Variants in PUDP observed in about 807,000 individuals in gnomAD.
The protein encoded by PUDP is pseudouridine 5'-phosphatase.
A neutral mutation model predicts 9.4 loss-of-function variants in PUDP; 8 were observed. That is an observed-to-expected ratio of 0.85 (90% CI 0.50 to 1.53). The LOEUF is 1.53. Among genes scored for constraint, PUDP ranks in the 40% most tolerant of loss-of-function variants. PUDP has a pLI of 0.00. For missense variants in PUDP, 188 were observed against 189.7 expected (o/e 0.99, Z 0.05); for synonymous variants, 99 against 80.7 (o/e 1.23, Z -1.22).
intron 3 of PUDP, among the ~76,000 whole-genome samples, chrX:6,876,551 C>T (rs1384485572): frequency 1.8e-5 from 2 of 109,288 alleles, no homozygotes; most frequent in African/African-American, 6.7e-5. Flanking sequence ...TGTATAAACA[C>T]ACACATACAT....
chrX:7,127,786 G>A (rs1932521069), intron 1 of PUDP, among the ~76,000 whole-genome samples: 1 of 112,235 alleles, frequency 8.9e-6, no homozygotes, highest in African/African-American at 3.2e-5. Context: ...TGCAATTTAA[G>A]GCATGATCAG....
intron 3 of PUDP, among the ~76,000 whole-genome samples, chrX:6,791,929 T>G (rs1269533620): frequency 4.5e-5 from 5 of 111,896 alleles, no homozygotes; most frequent in Non-Finnish European, 7.5e-5. Flanking sequence ...AAAATTTTTA[T>G]AATAAAATGT....
chrX:6,968,677 T>C (rs1404421864), intron 3 of PUDP, among the ~76,000 whole-genome samples: 1 of 109,918 alleles, frequency 9.1e-6, no homozygotes, highest in Non-Finnish European at 1.9e-5. Context: ...TGGAGTACAG[T>C]GGCACAGTCT....
intron 3 of PUDP, among the ~76,000 whole-genome samples, chrX:6,740,352 A>G (rs1344893644): frequency 1.8e-5 from 2 of 112,078 alleles, no homozygotes; most frequent in Non-Finnish European, 3.7e-5. Context: ...TGGAATAGAC[A>G]CTTCTTTGTA....
rs189279806 is a variant in PUDP, at chrX:6,706,135, T to C, written n.252+208A>G. ...GTGGTACCCAGGATAGTCAAGTTCA[T>C]AGAAACAAAAAGTAGATTCGTGGTT... On this transcript the variant is annotated intron_variant and non_coding_transcript_variant, in intron 2 of 2. Transcript: ENST00000438499. 1.9e-3 allele frequency among the ~76,000 whole-genome samples: 210 copies of C among 112,158 alleles called. 1 individual carries two copies. Among genetic ancestry groups the C allele is most frequent in the Non-Finnish European group, 3.3e-3 (176 of 53,222 alleles).
chrX:7,054,409 C>CA (rs386416556), intron 3 of PUDP, among the ~76,000 whole-genome samples: 23,136 of 83,748 alleles, frequency 0.28, 2,481 homozygotes, highest in Admixed American at 0.44. Flanking sequence ...GACTCCGTCT[C>CA]AAAAAAAAAA....
intron 3 of PUDP, among the ~76,000 whole-genome samples, chrX:6,778,696 C>T (rs933738635): frequency 5.4e-5 from 6 of 112,039 alleles, no homozygotes; most frequent in Non-Finnish European, 1.1e-4. Context: ...GGCCGGGGAC[C>T]CCTGTTTAGT....
At chrX:6,979,642 G>A (rs1929003952) in intron 1 of PUDP, among the ~76,000 whole-genome samples, 2 of 111,714 alleles carry the variant, frequency 1.8e-5, no homozygotes, top group Non-Finnish European at 3.8e-5. Flanking sequence ...TTCCAGAGAC[G>A]GATAATTGAT....
intron 1 of PUDP, among the ~76,000 whole-genome samples, chrX:7,032,242 A>G (rs1929801684): frequency 8.9e-6 from 1 of 112,268 alleles, no homozygotes; most frequent in African/African-American, 3.2e-5. Context: ...ACGACTGACA[A>G]TACTAAGTTT....
intron 3 of PUDP, among the ~76,000 whole-genome samples, chrX:6,891,251 C>T (rs1927510990): frequency 8.9e-6 from 1 of 112,206 alleles, no homozygotes; most frequent in South Asian, 3.7e-4. Context: ...TCAATATTTG[C>T]TAATTCAATG....
At chrX:6,753,734 G>A (rs1925135366) in intron 3 of PUDP, among the ~76,000 whole-genome samples, 1 of 111,718 alleles carries the variant, frequency 9.0e-6, no homozygotes, top group African/African-American at 3.3e-5. Flanking sequence ...GTGATGTTGA[G>A]CATTTTTTCA....
chrX:7,048,265 T>G, downstream of PUDP, among the ~76,000 whole-genome samples: 1 of 112,305 alleles, frequency 8.9e-6, no homozygotes, highest in Non-Finnish European at 1.9e-5. Flanking sequence ...ACAGCACACC[T>G]GTATACATTC....
Position 6,944,587 on chromosome X carries a change from G to C in PUDP, c.*247+32546C>G, listed in dbSNP as rs1569128513. On this transcript the variant is annotated intron_variant and NMD_transcript_variant, in intron 3 of 3. Coordinates refer to the PUDP transcript ENST00000655425. Reference sequence around the variant, plus strand: ...CTAGCTGGCCCTGAGAAGTAACAGAGCAACTTGATAAGCCAGAAGGGAATA... The same window carrying C: ...CTAGCTGGCCCTGAGAAGTAACAGACCAACTTGATAAGCCAGAAGGGAATA... Among the ~76,000 whole-genome samples the C allele has an allele frequency of 3.7e-5, 4 of 107,583 alleles. No homozygotes were observed. In the South Asian group the frequency reaches 1.7e-3, roughly 46 times the overall value. The allele number at this position is 107,583 out of a possible 115,157, so 93.4% of individuals were successfully genotyped here.
At chrX:6,959,814 G>T (rs1029880010) in intron 3 of PUDP, among the ~76,000 whole-genome samples, 2 of 112,674 alleles carry the variant, frequency 1.8e-5, no homozygotes, top group African/African-American at 6.4e-5. Flanking sequence ...GTATCTACAA[G>T]GTGGAATATA....
intron 3 of PUDP, among the ~76,000 whole-genome samples, chrX:6,813,030 G>A (rs1203898920): frequency 3.6e-5 from 4 of 110,912 alleles, no homozygotes; most frequent in South Asian, 7.8e-4. Context: ...GAAGGTCAAG[G>A]TTGCAGTGAG....
intron 3 of PUDP, among the ~76,000 whole-genome samples, chrX:6,958,894 T>G (rs1928667989): frequency 8.9e-6 from 1 of 111,953 alleles, no homozygotes; most frequent in Non-Finnish European, 1.9e-5. Context: ...TCCTAAGACT[T>G]TATATAAGGC....
At position 6,916,191 on chromosome X, in the gene PUDP, TACACACACACACACACACAC is replaced by T. The variant is rs747162229; in HGVS notation, c.*247+60922_*247+60941del. On this transcript the variant is annotated intron_variant and NMD_transcript_variant, in intron 3 of 3. Coordinates refer to the PUDP transcript ENST00000655425. ...GTCACCCACCAACTCATGCTTTTTC[TACACACACACACACACACAC>T]ACACACACACACACACACACACACA... Among the ~76,000 whole-genome samples the T allele has an allele frequency of 4.3e-3, 300 of 69,830 alleles. 1 individual carries two copies. The highest frequency in any genetic ancestry group is 0.016 in the African/African-American group (274 of 16,775). The allele number at this position is 69,830 out of a possible 115,157, so 60.6% of individuals were successfully genotyped here. A position where few individuals can be genotyped will look rare whatever the true frequency, so the allele number is the denominator to read the frequency against.
At position 7,138,106 on chromosome X, in the gene PUDP, C is replaced by T. The variant is rs149267103; in HGVS notation, c.61+9947G>A. 7.5e-3 allele frequency among the ~76,000 whole-genome samples: 842 copies of T among 111,912 alleles called. 6 individuals are homozygous for T. The highest frequency in any genetic ancestry group is 0.026 in the African/African-American group (804 of 30,788). On this transcript the variant is annotated intron_variant, in intron 1 of 3. Coordinates refer to ENST00000381077, the MANE Select transcript of PUDP (RefSeq NM_012080.5). ...GCAGCTGACCTGTGTCCAACTGAAG[C>T]ACTAGGCATAATTTCTAGATTAGAG... is the stretch of plus-strand genomic sequence containing the variant.
intron 3 of PUDP, among the ~76,000 whole-genome samples, chrX:6,732,805 T>G (rs974849846): frequency 8.9e-6 from 1 of 112,000 alleles, no homozygotes; most frequent in African/African-American, 3.2e-5. Flanking sequence ...TTCTTCCACT[T>G]AATTTTCATA....
Sources: allele counts gnomAD v4.1 joint callset (sites outside exome capture counted in the v4.1 genomes callset), GRCh38; gene constraint gnomAD v4.1.1; transcripts MANE v1.5; gene names NCBI Gene and HGNC (gene_info 2026-07-23, HGNC 2026-07-21).